VPS37A: variants seen among roughly 807,000 people sequenced by gnomAD.
The protein encoded by VPS37A is vacuolar protein sorting-associated protein 37A.
A neutral mutation model predicts 49.8 loss-of-function variants in VPS37A; 30 were observed. That is an observed-to-expected ratio of 0.60 (90% CI 0.45 to 0.82). The LOEUF (loss-of-function observed/expected upper bound fraction) is 0.82, where lower values mean the gene tolerates loss of function less well. Ranked by LOEUF, VPS37A falls within the 40% of genes least tolerant of loss-of-function variation. The pLI, the probability that VPS37A is intolerant of heterozygous loss-of-function variation, is 0.00. For synonymous variants in VPS37A, 195 were observed against 160.6 expected (o/e 1.21, Z -1.62); for missense variants, 593 against 464.4 (o/e 1.28, Z -2.55).
chr8:17,256,574 T>A (rs1218838953), intron 1 of VPS37A, among the ~76,000 whole-genome samples: 2 of 151,970 alleles, frequency 1.3e-5, no homozygotes, highest in Non-Finnish European at 2.9e-5. Context: ...ACAAAAGTTT[T>A]CTCCCGTTTT....
intron 4 of VPS37A, among the ~76,000 whole-genome samples, chr8:17,274,084 A>C (rs998415876): frequency 1.3e-5 from 2 of 152,168 alleles, no homozygotes; most frequent in African/African-American, 2.4e-5. Flanking sequence ...TCTCTCTAAA[A>C]TTTGCTAAGG....
At chr8:17,328,553 T>A in the VPS37A span, among the ~76,000 whole-genome samples, 1 of 151,536 alleles carries the variant, frequency 6.6e-6, no homozygotes, top group Non-Finnish European at 1.5e-5. Flanking sequence ...ATAACACACA[T>A]TGGGGCCTGT....
chr8:17,275,258 GT>G (rs1455613231), intron 5 of VPS37A, among the ~76,000 whole-genome samples: 2 of 152,082 alleles, frequency 1.3e-5, no homozygotes, highest in African/African-American at 4.8e-5. Flanking sequence ...TGTGATTCTG[GT>G]TTTTTTCACC....
intron 11 of VPS37A, among the ~76,000 whole-genome samples, chr8:17,291,015 TTTG>T (rs776856084): frequency 2.0e-5 from 3 of 152,082 alleles, no homozygotes; most frequent in South Asian, 2.1e-4. Context: ...TGATCTTTTT[TTTG>T]TTGTTGTTGT....
At chr8:17,305,949 T>C, downstream of VPS37A, 1 of 1,612,490 alleles carries the variant, frequency 6.2e-7, no homozygotes, top group Non-Finnish European at 8.5e-7. Flanking sequence ...ACCATCTAGA[T>C]TGCCATATCT....
At chr8:17,318,736 C>A in the VPS37A span, among the ~76,000 whole-genome samples, 1 of 152,130 alleles carries the variant, frequency 6.6e-6, no homozygotes, top group Admixed American at 6.5e-5. Context: ...ATGAAGCTGT[C>A]CCTGCCCACT....
chr8:17,311,831 C>G, the VPS37A span: 1 of 739,214 alleles, frequency 1.4e-6, no homozygotes, highest in South Asian at 1.8e-5. Flanking sequence ...AAAGCTTTCC[C>G]TTCCCATTCT....
chr8:17,273,588 G>C (rs910063782), intron 4 of VPS37A, among the ~76,000 whole-genome samples: 13 of 151,982 alleles, frequency 8.6e-5, no homozygotes, highest in Admixed American at 2.0e-4. Context: ...GGATGGTCTC[G>C]ATCCCCTGAC....
the VPS37A span, chr8:17,326,290 C>T: frequency 1.3e-5 from 2 of 152,112 alleles, no homozygotes; most frequent in Non-Finnish European, 1.5e-5. Flanking sequence ...TTTCCTCATC[C>T]GTAAAATGAA....
the VPS37A span, among the ~76,000 whole-genome samples, chr8:17,316,445 A>G: frequency 1.4e-5 from 2 of 145,854 alleles, no homozygotes; most frequent in East Asian, 4.1e-4. Flanking sequence ...CTCCTTTTCA[A>G]TATTTACAAA....
downstream of VPS37A, among the ~76,000 whole-genome samples, chr8:17,307,094 G>A (rs573502560): frequency 6.6e-6 from 1 of 152,220 alleles, no homozygotes; most frequent in African/African-American, 2.4e-5. Flanking sequence ...CCATCAGAGT[G>A]AACAGGCAAC....
At chr8:17,325,136 G>A in the VPS37A span, among the ~76,000 whole-genome samples, 60,088 of 151,654 alleles carry the variant, frequency 0.4, 13,288 homozygotes, top group African/African-American at 0.61. Flanking sequence ...GACAGCCACA[G>A]CCTCTCCTCT....
intron 1 of VPS37A, among the ~76,000 whole-genome samples, chr8:17,258,849 A>G (rs1585942692): frequency 6.6e-6 from 1 of 152,156 alleles, no homozygotes; most frequent in East Asian, 1.9e-4. Context: ...TAGGTTGTAT[A>G]TGTCCGGCAA....
At chr8:17,315,880 G>A in the VPS37A span, among the ~76,000 whole-genome samples, 1 of 152,106 alleles carries the variant, frequency 6.6e-6, no homozygotes, top group African/African-American at 2.4e-5. Flanking sequence ...AGACTGAGTG[G>A]CACATGCCTA....
the VPS37A span, among the ~76,000 whole-genome samples, chr8:17,309,722 C>G: frequency 1.3e-5 from 2 of 152,202 alleles, no homozygotes; most frequent in Non-Finnish European, 2.9e-5. Context: ...GACCCCACTT[C>G]ACAGCCCAGG....
intron 1 of VPS37A, chr8:17,247,890 T>C: frequency 1.5e-6 from 1 of 647,694 alleles, no homozygotes; most frequent in South Asian, 1.8e-5. Flanking sequence ...CTTGAGTCTC[T>C]AAGATTTACC....
At chr8:17,251,872 C>T (rs141929077) in intron 1 of VPS37A, among the ~76,000 whole-genome samples, 247 of 152,280 alleles carry the variant, frequency 1.6e-3, no homozygotes, top group African/African-American at 5.6e-3. Flanking sequence ...CTTGTAGAGT[C>T]AGCTCTTGTA....
intron 4 of VPS37A, among the ~76,000 whole-genome samples, chr8:17,273,865 T>C (rs1331788374): frequency 6.6e-6 from 1 of 152,214 alleles, no homozygotes; most frequent in Non-Finnish European, 1.5e-5. Context: ...AATTAATACA[T>C]TTTGAAACAT....
chr8:17,282,521 T>TA (rs1039644225), intron 9 of VPS37A, among the ~76,000 whole-genome samples: 2 of 152,112 alleles, frequency 1.3e-5, no homozygotes, highest in South Asian at 2.1e-4. Flanking sequence ...TCAGATATAT[T>TA]AAAAAATCAT....
Sources: gnomAD v4.1 joint callset for allele counts (sites outside exome capture counted in the v4.1 genomes callset) on GRCh38, gnomAD v4.1.1 for gene constraint, MANE v1.5 for transcripts, NCBI Gene and HGNC (gene_info 2026-07-23, HGNC 2026-07-21) for gene names.